Variants in OSTF1 observed in about 807,000 individuals in gnomAD.
The protein encoded by OSTF1 is osteoclast-stimulating factor 1.
A neutral mutation model predicts 37.2 loss-of-function variants in OSTF1; 27 were observed. That is an observed-to-expected ratio of 0.73 (90% CI 0.54 to 1.00). OSTF1 has a LOEUF of 1.00. Among genes scored for constraint, OSTF1 ranks in the 50% least tolerant of loss-of-function variants. The pLI, the probability that OSTF1 is intolerant of heterozygous loss-of-function variation, is 0.00. For synonymous variants in OSTF1, 82 were observed against 89.2 expected (o/e 0.92, Z 0.46); for missense variants, 232 against 253.8 (o/e 0.91, Z 0.58).
At chr9:75,137,718 CA>C in intron 8 of OSTF1, 102 bp downstream of exon 8, 1 of 744,036 alleles carries the variant, frequency 1.3e-6, no homozygotes, top group East Asian at 2.6e-5. Flanking sequence ...AGTCTTATTT[CA>C]AAATAGGGTT....
At position 75,140,835 on chromosome 9, in the gene OSTF1, T is replaced by C; in HGVS notation, c.489T>C (p.Gly163=). ...ADIVQLLLAK[G]ARTDLRNIEK... The stretch of plus-strand genomic sequence containing the variant: ...ATTGACTTTTCTTGTGTTGGGAAGG[T>C]GCTAGAACAGACTTAAGAAACATTG... Residue 163 remains glycine (G), a splice_region_variant and synonymous_variant, in exon 9 of 10, where the codon GGT becomes GGC. Coordinates refer to ENST00000346234, the MANE Select transcript of OSTF1 (RefSeq NM_012383.5). 1.2e-6 allele frequency: 2 copies of C among 1,611,386 alleles called. No individual in the cohort carries two copies. Among genetic ancestry groups the C allele is most frequent in the Non-Finnish European group, 1.7e-6 (2 of 1,177,632 alleles).
chr9:75,140,161 T>C (rs1297518865), intron 8 of OSTF1, among the ~76,000 whole-genome samples: 3 of 152,338 alleles, frequency 2.0e-5, no homozygotes, highest in Admixed American at 6.5e-5. Context: ...TCAATATGTG[T>C]ATGAATGCAC....
At chr9:75,144,994 T>C (rs74804717) in intron 9 of OSTF1, among the ~76,000 whole-genome samples, 4,173 of 152,296 alleles carry the variant, frequency 0.027, 167 homozygotes, top group African/African-American at 0.093. Context: ...ATTGTGGACA[T>C]TGCTAACTGC....
chr9:75,130,541 G>C, intron 3 of OSTF1, 37 bp from the exon 4 acceptor site: 1 of 1,404,682 alleles, frequency 7.1e-7, no homozygotes, highest in Middle Eastern at 1.8e-4. Flanking sequence ...ATGCAGTCTG[G>C]ATTTCATACC....
intron 8 of OSTF1, among the ~76,000 whole-genome samples, chr9:75,139,499 G>T (rs953073049): frequency 6.6e-6 from 1 of 152,106 alleles, no homozygotes; most frequent in Non-Finnish European, 1.5e-5. Flanking sequence ...CGCAATCTTG[G>T]CTCATTGCAG....
At chr9:75,090,533 G>C (rs1824953819) in intron 1 of OSTF1, among the ~76,000 whole-genome samples, 2 of 152,114 alleles carry the variant, frequency 1.3e-5, no homozygotes, top group Non-Finnish European at 2.9e-5. Context: ...AGGATAAAGG[G>C]AATTTTGAAT....
At position 75,133,330 on chromosome 9, in the gene OSTF1, G is replaced by A. The variant is rs1285661041; in HGVS notation, c.287G>A (p.Arg96Lys). 6.8e-6 allele frequency: 11 copies of A among 1,613,114 alleles called. No individual in the cohort carries two copies. Among genetic ancestry groups the A allele is most frequent in the Non-Finnish European group, 6.8e-6 (8 of 1,179,176 alleles). ...LSWLRECLDN[R>K]VGVNGLDKAG... ...TGGTTGAGAGAGTGTTTGGACAACA[G>A]AGTGGGTGTTAATGGCTTAGACAAA... Residue 96 changes from arginine (R) to lysine (K), a missense_variant, in exon 6 of 10, where the codon AGA (arginine) becomes AAA (lysine). By Grantham distance (26) the Arg-to-Lys change is conservative (BLOSUM62 2). Transcript: ENST00000346234.
chr9:75,120,843 C>T (rs1825569170), intron 2 of OSTF1, among the ~76,000 whole-genome samples: 1 of 152,208 alleles, frequency 6.6e-6, no homozygotes, highest in African/African-American at 2.4e-5. Flanking sequence ...ATGTGACTCA[C>T]AGTAGAACCT....
chr9:75,119,902 T>A (rs1825551694), intron 2 of OSTF1, among the ~76,000 whole-genome samples: 1 of 152,016 alleles, frequency 6.6e-6, no homozygotes, highest in South Asian at 2.1e-4. Context: ...TGGCAGAGAT[T>A]GCAGTGAGCT....
At chr9:75,090,731 A>G (rs1296670303) in intron 1 of OSTF1, among the ~76,000 whole-genome samples, 2 of 151,942 alleles carry the variant, frequency 1.3e-5, no homozygotes, top group Admixed American at 1.3e-4. Context: ...CTAGCACTTT[A>G]TGAGGCTGAG....
chr9:75,131,845 T>C (rs1428339913), intron 5 of OSTF1, 22 bp downstream of exon 5: 2 of 1,592,060 alleles, frequency 1.3e-6, no homozygotes, highest in Non-Finnish European at 1.7e-6. Context: ...TCTTTTTGAC[T>C]GAGGTATGCA....
chr9:75,088,745 G>C lies in OSTF1; in HGVS notation c.34+19G>C. The stretch of plus-strand genomic sequence containing the variant: ...AAACCAGGTGAGGGAGGTAAGGTAG[G>C]CGCTTGCCAGGTCCTGCGACCGCCG... On this transcript the variant is annotated intron_variant, in intron 1 of 9. Transcript: ENST00000346234. 1.9e-6 allele frequency: 3 copies of C among 1,601,002 alleles called. No individual in the cohort carries two copies. The highest frequency in any genetic ancestry group is 2.6e-6 in the Non-Finnish European group (3 of 1,173,478).
At chr9:75,090,902 T>C (rs999389323) in intron 1 of OSTF1, among the ~76,000 whole-genome samples, 3 of 152,186 alleles carry the variant, frequency 2.0e-5, no homozygotes, top group Non-Finnish European at 4.4e-5. Flanking sequence ...TTACACGTGT[T>C]AACACATTTG....
At chr9:75,116,813 T>C (rs1825498308) in intron 1 of OSTF1, among the ~76,000 whole-genome samples, 1 of 152,162 alleles carries the variant, frequency 6.6e-6, no homozygotes, top group Admixed American at 6.5e-5. Flanking sequence ...CAAATAATTA[T>C]GTAGCTCCTT....
chr9:75,105,407 C>T (rs1825266972), intron 1 of OSTF1, among the ~76,000 whole-genome samples: 1 of 152,200 alleles, frequency 6.6e-6, no homozygotes, highest in Non-Finnish European at 1.5e-5. Context: ...AAAGCAGCCA[C>T]AGACAAAGAA....
intron 1 of OSTF1, among the ~76,000 whole-genome samples, chr9:75,114,592 AC>A (rs1393158705): frequency 4.0e-5 from 6 of 149,130 alleles, no homozygotes; most frequent in Admixed American, 1.3e-4. Context: ...TCTCTCTGTC[AC>A]CCAGGCTGGA....
At chr9:75,120,737 C>G (rs541103827) in intron 2 of OSTF1, among the ~76,000 whole-genome samples, 2 of 152,282 alleles carry the variant, frequency 1.3e-5, no homozygotes, top group African/African-American at 4.8e-5. Flanking sequence ...CTGCTTCAAC[C>G]TTTTATTTGA....
At chr9:75,106,801 A>C (rs1458287577) in intron 1 of OSTF1, among the ~76,000 whole-genome samples, 1 of 143,196 alleles carries the variant, frequency 7.0e-6, no homozygotes, top group Admixed American at 7.0e-5. Flanking sequence ...TAAAAATACA[A>C]AAATTAGCTG....
intron 2 of OSTF1, among the ~76,000 whole-genome samples, chr9:75,125,037 C>G (rs1276236715): frequency 6.6e-6 from 1 of 152,204 alleles, no homozygotes; most frequent in Non-Finnish European, 1.5e-5. Flanking sequence ...TGAACTCTTT[C>G]AAGTTCCAGG....
Sources: gnomAD v4.1 joint callset for allele counts (sites outside exome capture counted in the v4.1 genomes callset) on GRCh38, gnomAD v4.1.1 for gene constraint, MANE v1.5 for transcripts, NCBI Gene and HGNC (gene_info 2026-07-23, HGNC 2026-07-21) for gene names.